Variants in NGFR observed in about 807,000 individuals in gnomAD.
NGFR encodes tumor necrosis factor receptor superfamily member 16.
In NGFR, 30 loss-of-function variants were observed where a neutral mutation model predicts 43.2. That is an observed-to-expected ratio of 0.69 (90% CI 0.52 to 0.94). The LOEUF is 0.94. Among genes scored for constraint, NGFR ranks in the 40% least tolerant of loss-of-function variants. NGFR has a pLI of 0.00. For missense variants in NGFR, 529 were observed against 602.5 expected (o/e 0.88, Z 1.28); for synonymous variants, 246 against 259.6 (o/e 0.95, Z 0.50).
rs903003500 is a variant in NGFR at position 49,495,361 on chromosome 17, C to T, written c.-57C>T. On this transcript the variant is annotated 5_prime_UTR_variant, in exon 1 of 6. Transcript: ENST00000172229. This position sits in a 1 kb window ranked among gnomAD's most constrained non-coding sequence, Gnocchi z 6.4. ...GCTGGAGCGCAGCGCAGCGCAGCCC[C>T]ATCAGTCCGCAAAGCGGACCGAGCT... is the stretch of plus-strand genomic sequence containing the variant. 25 of 1,177,700 alleles carry T rather than the reference C, an allele frequency of 2.1e-5. No individual in the cohort carries two copies. The South Asian group carries it at 3.4e-4, about 16-fold the overall frequency. The allele number at this position is 1,177,700 out of a possible 1,614,324, so 73.0% of individuals were successfully genotyped here. A position where few individuals can be genotyped will look rare whatever the true frequency, so the allele number is the denominator to read the frequency against.
Position 49,499,069 on chromosome 17 carries a change from T to C in NGFR, c.67-2994T>C, listed in dbSNP as rs188530261. Among the ~76,000 whole-genome samples the C allele has an allele frequency of 1.4e-4, 21 of 152,326 alleles. No homozygotes were observed. In the East Asian group the frequency reaches 3.9e-3, roughly 28 times the overall value. ...ACTGAGGTTTAGGGAAATTAAGTAA[T>C]TTACCCTAAGCAACATACTATTAAG... On this transcript the variant is annotated intron_variant, in intron 1 of 5. Transcript: ENST00000172229.
rs1215416989 is a variant in NGFR at position 49,512,734 on chromosome 17, A to G, written c.1009A>G (p.Ser337Gly). The G allele has an allele frequency of 6.2e-7, 1 of 1,610,348 alleles. No individual in the cohort carries two copies. Among genetic ancestry groups the G allele is most frequent in the African/African-American group, 1.3e-5 (1 of 75,008 alleles). ...CCTCAAGGGTGACGGAGGCCTCTACAGCAGCCTGCCCCCAGCCAAGCGGGA... is the reference window on the plus strand; with the variant it reads ...CCTCAAGGGTGACGGAGGCCTCTACGGCAGCCTGCCCCCAGCCAAGCGGGA... The part of the protein sequence containing the change: ...QALKGDGGLY[S>G]SLPPAKREEV... Residue 337 changes from serine (S) to glycine (G), a missense_variant, in exon 6 of 6, where the codon AGC becomes GGC. Transcript: ENST00000172229. This position sits in a 1 kb window ranked among gnomAD's most constrained non-coding sequence, Gnocchi z 5.2.
rs573280313 is a variant in NGFR at position 49,495,679 on chromosome 17, G to T, written c.66+196G>T. ...CGGAGCGCAGAGGCGACTCTCCAGG[G>T]TGGAGATGAGGGCAAGACCGGAGCA... On this transcript the variant is annotated intron_variant, in intron 1 of 5. Transcript: ENST00000172229. The surrounding 1 kb of genome is among the most constrained non-coding windows in gnomAD (Gnocchi z 6.4). 17 of 456,262 alleles carry T rather than the reference G, an allele frequency of 3.7e-5. No homozygotes were observed. The highest frequency in any genetic ancestry group is 3.4e-4 in the African/African-American group (17 of 49,836). The allele number at this position is 456,262 out of a possible 1,614,324, so 28.3% of individuals were successfully genotyped here.
At position 49,511,929 on chromosome 17, in the gene NGFR, A is replaced by G; in HGVS notation, c.859A>G (p.Ser287Gly). 6.2e-7 allele frequency: 1 copy of G among 1,612,456 alleles called. No homozygotes were observed. Among genetic ancestry groups the G allele is most frequent in the Non-Finnish European group, 8.5e-7 (1 of 1,179,272 alleles). ...CAAGCAGAACAAGCAAGGAGCCAAC[A>G]GCCGGCCAGTGAACCAGACGCCCCC... ...SCKQNKQGAN[S>G]RPVNQTPPPE... The change falls in exon 5 of 6, where the codon AGC (serine) becomes GGC (glycine). Residue 287 changes from serine (S) to glycine (G), a missense_variant. Ser to Gly is a moderately conservative substitution (Grantham distance 56). Transcript: ENST00000172229.
At chr17:49,507,952 G>A (rs1427159888) in intron 3 of NGFR, among the ~76,000 whole-genome samples, 1 of 152,198 alleles carries the variant, frequency 6.6e-6, no homozygotes, top group Non-Finnish European at 1.5e-5. Flanking sequence ...CTGCCCCTGG[G>A]GACCCTCCAG....
intron 3 of NGFR, 42 bp downstream of exon 3, chr17:49,506,700 G>GGGGGGCC: frequency 2.1e-6 from 1 of 485,202 alleles, no homozygotes; most frequent in Non-Finnish European, 3.2e-6. Context: ...GGGTGCGGGG[G>GGGGGGCC]TGGGCTGGGG....
At position 49,511,923 on chromosome 17, in the gene NGFR, G is replaced by A; in HGVS notation, c.853G>A (p.Ala285Thr). 1.2e-6 allele frequency: 2 copies of A among 1,611,860 alleles called. No individual in the cohort carries two copies. The highest frequency in any genetic ancestry group is 1.7e-6 in the Non-Finnish European group (2 of 1,179,028). Residue 285 changes from alanine (A) to threonine (T), a missense_variant, in exon 5 of 6, where the codon GCC becomes ACC. Coordinates refer to ENST00000172229, the MANE Select transcript of NGFR (RefSeq NM_002507.4). ...WNSCKQNKQG[A>T]NSRPVNQTPP... The stretch of plus-strand genomic sequence containing the variant: ...CAGCTGCAAGCAGAACAAGCAAGGA[G>A]CCAACAGCCGGCCAGTGAACCAGAC...
Position 49,513,058 on chromosome 17 carries a change from T to C in NGFR, c.*49T>C, listed in dbSNP as rs766042907. On this transcript the variant is annotated 3_prime_UTR_variant, in exon 6 of 6. Coordinates refer to ENST00000172229, the MANE Select transcript of NGFR (RefSeq NM_002507.4). ...CGCCCCACATTCCGACAACCGATGC[T>C]CCAGCCAACCCCTGTGGAGCCCGCA... The C allele has an allele frequency of 1.2e-5, 17 of 1,459,230 alleles. No individual in the cohort carries two copies. The highest frequency in any genetic ancestry group is 4.7e-5 in the Admixed American group (2 of 42,472). The allele number at this position is 1,459,230 out of a possible 1,614,324, so 90.4% of individuals were successfully genotyped here.
chr17:49,503,843 C>G (rs2071181276), intron 2 of NGFR, among the ~76,000 whole-genome samples: 1 of 152,210 alleles, frequency 6.6e-6, no homozygotes, highest in African/African-American at 2.4e-5. Flanking sequence ...GACTCCAGCC[C>G]AGGACTCTCC....
At position 49,495,843 on chromosome 17, in the gene NGFR, C is replaced by T. The variant is rs891111602; in HGVS notation, c.66+360C>T. 6.3e-5 allele frequency: 16 copies of T among 252,034 alleles called. No homozygotes were observed. Among genetic ancestry groups the T allele is most frequent in the East Asian group, 2.1e-4 (3 of 14,378 alleles). 15.6% of individuals were successfully genotyped at this position (252,034 alleles called of 1,614,324 possible). A position where few individuals can be genotyped will look rare whatever the true frequency, so the allele number is the denominator to read the frequency against. On this transcript the variant is annotated intron_variant, in intron 1 of 5. Transcript: ENST00000172229. This position sits in a 1 kb window ranked among gnomAD's most constrained non-coding sequence, Gnocchi z 6.4. ...GCCGGGATCCCGAAGGGACTTTCCC[C>T]TCAGCATCTCGGTCTCTGGAGAGTC... is the stretch of plus-strand genomic sequence containing the variant.
chr17:49,506,148 C>A, intron 2 of NGFR, 151 bp from the exon 3 acceptor site: 1 of 1,405,990 alleles, frequency 7.1e-7, no homozygotes, highest in South Asian at 1.6e-5. Context: ...GGCTAGGGGT[C>A]AGGGTCCCTT....
At chr17:49,511,781 A>G (rs2071234065) in intron 4 of NGFR, 111 bp from the exon 5 acceptor site, 6 of 1,301,336 alleles carry the variant, frequency 4.6e-6, no homozygotes, top group Non-Finnish European at 6.1e-6. Flanking sequence ...GGCGGTTATA[A>G]TTGGGCACCC....
chr17:49,510,701 G>A (rs1197395310), intron 4 of NGFR, 37 bp downstream of exon 4: 9 of 1,603,520 alleles, frequency 5.6e-6, no homozygotes, highest in African/African-American at 1.3e-5. Context: ...GAGGGGAGAT[G>A]TTTGCCCTCA....
At chr17:49,506,179 G>A (rs2071195406) in intron 2 of NGFR, 120 bp from the exon 3 acceptor site, 2 of 1,476,808 alleles carry the variant, frequency 1.4e-6, no homozygotes, top group Non-Finnish European at 8.9e-7. Context: ...GGGAGCCGAT[G>A]AGAAGGCTGA....
At chr17:49,510,787 A>C in intron 4 of NGFR, 123 bp downstream of exon 4, 1 of 1,257,688 alleles carries the variant, frequency 8.0e-7, no homozygotes, top group Non-Finnish European at 1.1e-6. Context: ...GCTCATCCTC[A>C]CTCATCATCT....
chr17:49,498,491 G>C (rs1180714993), intron 1 of NGFR, among the ~76,000 whole-genome samples: 1 of 152,158 alleles, frequency 6.6e-6, no homozygotes, highest in East Asian at 1.9e-4. Context: ...CGGTGACCAC[G>C]GCCCCATTCA....
chr17:49,506,704 G>GGGGGGGGGGGGGGGGGGGGGGGGC, intron 3 of NGFR, 46 bp downstream of exon 3: 2 of 737,232 alleles, frequency 2.7e-6, no homozygotes, highest in Non-Finnish European at 3.9e-6. Context: ...GCGGGGGTGG[G>GGGGGGGGGGGGGGGGGGGGGGGGC]CTGGGGGCAT....
intron 4 of NGFR, 101 bp downstream of exon 4, chr17:49,510,765 A>G: frequency 1.4e-6 from 2 of 1,453,212 alleles, no homozygotes; most frequent in Non-Finnish European, 1.9e-6. Context: ...TTTTAACTCA[A>G]CCCCAAACCA....
chr17:49,513,457 A>AC lies in NGFR; in HGVS notation c.*448_*449insC, dbSNP rs2071248559. The AC allele has an allele frequency of 6.2e-6, 1 of 161,856 alleles. No individual in the cohort carries two copies. Among genetic ancestry groups the AC allele is most frequent in the African/African-American group, 2.4e-5 (1 of 41,794 alleles). The allele number at this position is 161,856 out of a possible 1,614,324, so 10.0% of individuals were successfully genotyped here. A position where few individuals can be genotyped will look rare whatever the true frequency, so the allele number is the denominator to read the frequency against. ...ACTCTACACTGTGAACTTGGGGAACAAGGGTGGCATCCCAGTGGCCTCAAC... is the reference window on the plus strand; with the variant it reads ...ACTCTACACTGTGAACTTGGGGAACACAGGGTGGCATCCCAGTGGCCTCAAC... On this transcript the variant is annotated 3_prime_UTR_variant, in exon 6 of 6. Transcript: ENST00000172229.
Sources: gnomAD v4.1 joint callset for allele counts (sites outside exome capture counted in the v4.1 genomes callset) on GRCh38, gnomAD v4.1.1 for gene constraint, Gnocchi (gnomAD v3.1) non-coding constraint, MANE v1.5 for transcripts, NCBI Gene and HGNC (gene_info 2026-07-23, HGNC 2026-07-21) for gene names.